The following ADIPOR2 variants were observed in gnomAD, a reference collection of about 807,000 sequenced individuals.
ADIPOR2 encodes the protein adiponectin receptor protein 2.
Under a neutral mutation model 40.9 loss-of-function variants are expected in ADIPOR2, and 18 were observed. The ratio of observed to expected loss-of-function variants is 0.44; its 90% confidence interval spans 0.30 to 0.65. The LOEUF is 0.65. Ranked by LOEUF, ADIPOR2 falls within the 30% of genes least tolerant of loss-of-function variation. The pLI, the probability that ADIPOR2 is intolerant of heterozygous loss-of-function variation, is 0.09. For missense variants in ADIPOR2, 283 were observed against 479.2 expected (o/e 0.59, Z 3.82); for synonymous variants, 165 against 166.4 (o/e 0.99, Z 0.06).
intron 1 of ADIPOR2, among the ~76,000 whole-genome samples, chr12:1,730,051 C>G (rs1027368582): frequency 1.3e-5 from 2 of 152,066 alleles, no homozygotes; most frequent in Non-Finnish European, 2.9e-5. Flanking sequence ...ATTTAAGTGA[C>G]TGTATTACAA....
chr12:1,696,188 A>G lies in ADIPOR2; in HGVS notation c.-87+4997A>G, dbSNP rs181831878. On this transcript the variant is annotated intron_variant, in intron 1 of 7. Transcript: ENST00000357103. ...GGGGGCAGCACTGAATTTTTTCCTT[A>G]GTTGAGCCATGCAGATTTTCTAGAA... The G allele has an allele frequency of 3.2e-3, 490 of 152,848 alleles. 1 individual carries two copies. The highest frequency in any genetic ancestry group is 5.3e-3 in the Non-Finnish European group (364 of 68,066). The allele number at this position is 152,848 out of a possible 1,614,324, so 9.5% of individuals were successfully genotyped here. A position where few individuals can be genotyped will look rare whatever the true frequency, so the allele number is the denominator to read the frequency against.
Position 1,773,516 on chromosome 12 carries a change from CTTTTTTTTT to C in ADIPOR2, c.291+566_291+574del, listed in dbSNP as rs34995304. 7.3e-3 allele frequency among the ~76,000 whole-genome samples: 907 copies of C among 123,726 alleles called. 11 individuals carry two copies. Among genetic ancestry groups the C allele is most frequent in the African/African-American group, 0.026 (862 of 33,194 alleles). The allele number at this position is 123,726 out of a possible 152,430, so 81.2% of individuals were successfully genotyped here. On this transcript the variant is annotated intron_variant, in intron 3 of 7. Coordinates refer to ENST00000357103, the MANE Select transcript of ADIPOR2 (RefSeq NM_024551.3). ...ATTCCCTAGGACCTATTATGGGATT[CTTTTTTTTT>C]TTTTTTTTTTCTAAAATAGTAATTA...
Position 1,786,206 on chromosome 12 carries a change from G to A in ADIPOR2, c.*134G>A, listed in dbSNP as rs730032. The A allele has an allele frequency of 0.26, 304,758 of 1,187,542 alleles. 42,197 individuals carry two copies. The highest frequency in any genetic ancestry group is 0.29 in the Non-Finnish European group (244,385 of 849,752). 73.6% of individuals were successfully genotyped at this position (1,187,542 alleles called of 1,614,324 possible). ...GCCTCGTGGGCTTTGTGACGGCCCA[G>A]TGGCTCTGCGTGGTACATGACTGAG... On this transcript the variant is annotated 3_prime_UTR_variant, in exon 8 of 8. Coordinates refer to ENST00000357103, the MANE Select transcript of ADIPOR2 (RefSeq NM_024551.3).
At chr12:1,740,477 TC>T (rs1251677893) in intron 1 of ADIPOR2, among the ~76,000 whole-genome samples, 1 of 150,900 alleles carries the variant, frequency 6.6e-6, no homozygotes, top group African/African-American at 2.5e-5. Context: ...TACAAGGACA[TC>T]AGTCATAGTG....
Position 1,772,867 on chromosome 12 carries a change from A to G in ADIPOR2, c.197A>G (p.Asp66Gly), listed in dbSNP as rs1862515712. ...AGCTCTGAGGAACATGAATACAGTG[A>G]TGAAGCTCCTCAGGAAGATGAGGGC... ...KKSSEEHEYS[D>G]EAPQEDEGFM... Residue 66 changes from aspartate (D) to glycine (G), a missense_variant, in exon 3 of 8, where the codon GAT (aspartate) becomes GGT (glycine). Physicochemically the swap from Asp to Gly is moderately conservative, Grantham distance 94. This residue lies in a region of ADIPOR2 where 65 missense variants were observed against 79.9 expected (regional missense o/e 0.81). Coordinates refer to ENST00000357103, the MANE Select transcript of ADIPOR2 (RefSeq NM_024551.3). 6.2e-7 allele frequency: 1 copy of G among 1,613,264 alleles called. No individual in the cohort carries two copies. The highest frequency in any genetic ancestry group is 8.5e-7 in the Non-Finnish European group (1 of 1,179,550).
chr12:1,776,904 A>G (rs1207340508), intron 3 of ADIPOR2, among the ~76,000 whole-genome samples: 2 of 152,190 alleles, frequency 1.3e-5, no homozygotes, highest in Non-Finnish European at 2.9e-5. Flanking sequence ...GATCTTCATG[A>G]TTTCCCTATG....
chr12:1,756,820 T>G (rs1307052289), intron 2 of ADIPOR2, among the ~76,000 whole-genome samples: 1 of 152,068 alleles, frequency 6.6e-6, no homozygotes, highest in African/African-American at 2.4e-5. Context: ...ATATATTTTG[T>G]GGGTCAAATC....
At chr12:1,742,644 G>A (rs962354085) in intron 1 of ADIPOR2, among the ~76,000 whole-genome samples, 2 of 152,154 alleles carry the variant, frequency 1.3e-5, no homozygotes, top group Admixed American at 1.3e-4. Flanking sequence ...TATAACCTAA[G>A]CACATCTTCC....
rs11829703 is a variant in ADIPOR2, at chr12:1,718,834, A to G, written c.-87+27643A>G. On this transcript the variant is annotated intron_variant, in intron 1 of 7. Transcript: ENST00000357103. Reference sequence around the variant, plus strand: ...TCTTAGGAAAGTCAGCTAGTGGGGTAGGGTGATAAGCTAGGACGGGTTCCT... The same window carrying G: ...TCTTAGGAAAGTCAGCTAGTGGGGTGGGGTGATAAGCTAGGACGGGTTCCT... Among the ~76,000 whole-genome samples, 391 of 152,280 alleles carry G rather than the reference A, an allele frequency of 2.6e-3. 1 individual carries two copies. Among genetic ancestry groups the G allele is most frequent in the African/African-American group, 9.1e-3 (379 of 41,562 alleles).
At chr12:1,724,074 C>G in intron 1 of ADIPOR2, among the ~76,000 whole-genome samples, 1 of 152,044 alleles carries the variant, frequency 6.6e-6, no homozygotes, top group East Asian at 1.9e-4. Context: ...CTCTGCCTCC[C>G]GGGTTCAAGC....
chr12:1,720,176 G>C (rs955142171), intron 1 of ADIPOR2, among the ~76,000 whole-genome samples: 1 of 152,132 alleles, frequency 6.6e-6, no homozygotes, highest in African/African-American at 2.4e-5. Flanking sequence ...GGGAGGTCAG[G>C]GAAAGACATT....
chr12:1,759,282 T>C (rs550271068), intron 2 of ADIPOR2, among the ~76,000 whole-genome samples: 1 of 152,364 alleles, frequency 6.6e-6, no homozygotes, highest in South Asian at 2.1e-4. Flanking sequence ...CTAACAATTT[T>C]GCATCATTTT....
chr12:1,735,954 C>G (rs989322768), intron 1 of ADIPOR2, among the ~76,000 whole-genome samples: 3 of 152,156 alleles, frequency 2.0e-5, no homozygotes, highest in Non-Finnish European at 4.4e-5. Context: ...CCCACTTGAT[C>G]ATGGTGGATA....
At chr12:1,734,296 T>C (rs561276830) in intron 1 of ADIPOR2, among the ~76,000 whole-genome samples, 19 of 152,278 alleles carry the variant, frequency 1.2e-4, no homozygotes, top group Non-Finnish European at 2.2e-4. Context: ...TTTTAATGAT[T>C]GCCATTCTAA....
intron 1 of ADIPOR2, among the ~76,000 whole-genome samples, chr12:1,713,767 C>G (rs148068278): frequency 1.6e-3 from 236 of 152,202 alleles, no homozygotes; most frequent in Non-Finnish European, 2.6e-3. Context: ...TACCTGGTTA[C>G]AGACTGTCCC....
intron 1 of ADIPOR2, among the ~76,000 whole-genome samples, chr12:1,692,887 G>T (rs1006281424): frequency 2.0e-5 from 3 of 152,226 alleles, no homozygotes; most frequent in Admixed American, 6.5e-5. Context: ...TGGTGCGATC[G>T]CTCACGCTGG....
At chr12:1,757,754 C>T in intron 2 of ADIPOR2, 1 of 1,170,518 alleles carries the variant, frequency 8.5e-7, no homozygotes, top group African/African-American at 1.5e-5. Context: ...CTGATGACAT[C>T]CATGAATCCA....
At chr12:1,735,163 T>G (rs548643443) in intron 1 of ADIPOR2, among the ~76,000 whole-genome samples, 240 of 152,324 alleles carry the variant, frequency 1.6e-3, no homozygotes, top group Non-Finnish European at 2.8e-3. Context: ...GGGATGGCAT[T>G]GAATCTATAA....
chr12:1,698,617 A>G (rs2094644138), intron 1 of ADIPOR2, among the ~76,000 whole-genome samples: 1 of 152,196 alleles, frequency 6.6e-6, no homozygotes, highest in African/African-American at 2.4e-5. Flanking sequence ...GTATTATTAA[A>G]TGGATATGCT....
Sources: allele counts gnomAD v4.1 joint callset (sites outside exome capture counted in the v4.1 genomes callset), GRCh38; gene constraint gnomAD v4.1.1; regional missense constraint gnomAD v4.1.1; transcripts MANE v1.5; gene names NCBI Gene and HGNC (gene_info 2026-07-23, HGNC 2026-07-21).